MYH15: variants seen among roughly 807,000 people sequenced by gnomAD.
MYH15 encodes the protein myosin heavy chain 15, also known as myosin-15.
MYH15 carries 227 observed loss-of-function variants against 240.5 expected under a neutral mutation model. The observed-to-expected ratio is 0.94, with a 90% CI of 0.85 to 1.05. The LOEUF (loss-of-function observed/expected upper bound fraction) is 1.05. Among genes scored for constraint, MYH15 ranks in the 50% least tolerant of loss-of-function variants. MYH15 has a pLI of 0.00. For missense variants in MYH15, 2,217 were observed against 2,247.5 expected (o/e 0.99, Z 0.27); for synonymous variants, 785 against 796.7 (o/e 0.99, Z 0.25).
chr3:108,386,420 C>T (rs1015921410), intron 38 of MYH15, among the ~76,000 whole-genome samples: 7 of 152,138 alleles, frequency 4.6e-5, no homozygotes, highest in Non-Finnish European at 2.9e-5. Context: ...ACCTGATAAC[C>T]TCCAACTGCA....
intron 21 of MYH15, among the ~76,000 whole-genome samples, chr3:108,447,928 A>G (rs777594042): frequency 6.6e-6 from 1 of 152,152 alleles, no homozygotes; most frequent in Non-Finnish European, 1.5e-5. Flanking sequence ...GATATACAAT[A>G]CTAAAAAATA....
upstream of MYH15, among the ~76,000 whole-genome samples, chr3:108,510,834 G>C (rs531682764): frequency 1.2e-4 from 19 of 152,098 alleles, no homozygotes; most frequent in African/African-American, 4.6e-4. Flanking sequence ...ATGCTTTTAG[G>C]GGCCCATGAA....
chr3:108,518,938 A>G (rs1046744120), intron 1 of MYH15, among the ~76,000 whole-genome samples: 2 of 152,200 alleles, frequency 1.3e-5, no homozygotes, highest in African/African-American at 4.8e-5. Context: ...GGGCAGGACT[A>G]GGTCTGCAGC....
chr3:108,391,606 A>C (rs528154114), intron 37 of MYH15, among the ~76,000 whole-genome samples, 154 bp downstream of exon 37: 1 of 152,172 alleles, frequency 6.6e-6, no homozygotes, highest in Admixed American at 6.5e-5. Context: ...ATGAATGCAT[A>C]TATTGAGATC....
chr3:108,451,448 A>AT (rs1025487700), intron 21 of MYH15, among the ~76,000 whole-genome samples: 14 of 152,086 alleles, frequency 9.2e-5, no homozygotes, highest in Non-Finnish European at 1.9e-4. Flanking sequence ...GAAATGTAAA[A>AT]TTTTTTTAAT....
intron 30 of MYH15, 148 bp from the exon 31 acceptor site, chr3:108,411,080 T>G: frequency 1.6e-6 from 1 of 633,370 alleles, no homozygotes; most frequent in Non-Finnish European, 2.7e-6. Context: ...CAGCAGCTCC[T>G]ATCTGAAAGT....
At chr3:108,501,962 T>C in intron 2 of MYH15, 107 bp from the exon 3 acceptor site, 1 of 1,202,696 alleles carries the variant, frequency 8.3e-7, no homozygotes, top group Non-Finnish European at 1.2e-6. Context: ...AAATGATGCC[T>C]CATTAGGGGA....
intron 11 of MYH15, among the ~76,000 whole-genome samples, chr3:108,484,676 C>T (rs980622551): frequency 6.6e-6 from 1 of 151,994 alleles, no homozygotes; most frequent in African/African-American, 2.4e-5. Flanking sequence ...GACAGGGTTT[C>T]GCTATATTGG....
chr3:108,478,791 T>C (rs1237171643), intron 11 of MYH15, among the ~76,000 whole-genome samples: 1 of 152,214 alleles, frequency 6.6e-6, no homozygotes, highest in Non-Finnish European at 1.5e-5. Context: ...AGTCTTCATA[T>C]ATCCTTTTTC....
chr3:108,405,262 G>A, intron 33 of MYH15, 76 bp downstream of exon 33: 2 of 778,790 alleles, frequency 2.6e-6, no homozygotes, highest in African/African-American at 1.8e-5. Flanking sequence ...CATAAAAGCA[G>A]CCAGACATAA....
chr3:108,453,598 T>C (rs537569095), intron 21 of MYH15, among the ~76,000 whole-genome samples: 1 of 152,310 alleles, frequency 6.6e-6, no homozygotes, highest in South Asian at 2.1e-4. Context: ...CCACAGTTTC[T>C]GACCCAGGGG....
chr3:108,543,018 C>T, the MYH15 span, among the ~76,000 whole-genome samples: 2 of 151,718 alleles, frequency 1.3e-5, no homozygotes, highest in Admixed American at 6.6e-5. Flanking sequence ...GTAGCTGGGA[C>T]TACAGGCAAA....
At chr3:108,516,060 AC>A (rs2083570185) in intron 1 of MYH15, among the ~76,000 whole-genome samples, 1 of 152,216 alleles carries the variant, frequency 6.6e-6, no homozygotes. Flanking sequence ...AATTCATTTC[AC>A]CTTGGCATTT....
chr3:108,526,534 G>A (rs1415582579), intron 1 of MYH15, among the ~76,000 whole-genome samples: 4 of 152,168 alleles, frequency 2.6e-5, no homozygotes, highest in African/African-American at 9.7e-5. Flanking sequence ...TGCCCTCAGG[G>A]AGCTTGTGCT....
At chr3:108,490,854 T>C (rs1423198630) in intron 9 of MYH15, among the ~76,000 whole-genome samples, 2 of 152,116 alleles carry the variant, frequency 1.3e-5, no homozygotes, top group African/African-American at 4.8e-5. Flanking sequence ...TTTATAGACC[T>C]GCCATATAAC....
intron 22 of MYH15, among the ~76,000 whole-genome samples, chr3:108,442,772 C>CTTT (rs5851593): frequency 5.6e-5 from 8 of 143,216 alleles, no homozygotes; most frequent in African/African-American, 2.1e-4. Flanking sequence ...CAAAATATTT[C>CTTT]TTTTTTTTTT....
intron 29 of MYH15, 68 bp downstream of exon 29, chr3:108,416,744 T>G: frequency 8.2e-7 from 1 of 1,220,252 alleles, no homozygotes; most frequent in Admixed American, 2.2e-5. Context: ...GGCTGATTCA[T>G]CAAGCACTAT....
chr3:108,513,129 C>T (rs2083533654), upstream of MYH15, among the ~76,000 whole-genome samples: 1 of 151,994 alleles, frequency 6.6e-6, no homozygotes, highest in African/African-American at 2.4e-5. Flanking sequence ...AGCCCGAATG[C>T]CCAAAAGAAG....
the MYH15 span, among the ~76,000 whole-genome samples, chr3:108,541,396 T>C: frequency 6.6e-6 from 1 of 151,268 alleles, no homozygotes; most frequent in Admixed American, 6.6e-5. Context: ...GAAAAAAAAT[T>C]TGCAATTTTT....
Sources: allele counts gnomAD v4.1 joint callset (sites outside exome capture counted in the v4.1 genomes callset), GRCh38; gene constraint gnomAD v4.1.1; transcripts MANE v1.5; gene names NCBI Gene and HGNC (gene_info 2026-07-23, HGNC 2026-07-21).